Variants in ZNF407 observed in about 807,000 individuals in gnomAD.
ZNF407 encodes the protein zinc finger protein 407.
In ZNF407, 17 loss-of-function variants were observed where a neutral mutation model predicts 131.2. The observed-to-expected ratio is 0.13, with a 90% confidence interval of 0.09 to 0.19. The LOEUF is 0.19. Ranked by LOEUF, ZNF407 falls within the 10% of genes least tolerant of loss-of-function variation. The probability of loss-of-function intolerance (pLI) is 1.00; values close to 1 mark genes in which losing one functional copy is unlikely to be tolerated. For missense variants in ZNF407, 2,681 were observed against 2,830.6 expected (o/e 0.95, Z 1.20); for synonymous variants, 1,156 against 1,062.0 (o/e 1.09, Z -1.72).
chr18:74,759,812 T>G (rs1270889454), intron 3 of ZNF407, among the ~76,000 whole-genome samples: 1 of 151,684 alleles, frequency 6.6e-6, no homozygotes, highest in Non-Finnish European at 1.5e-5. Flanking sequence ...TTCCTTTTTT[T>G]TTTTTGAACA....
intron 8 of ZNF407, among the ~76,000 whole-genome samples, chr18:74,992,162 A>G (rs1972726314): frequency 6.6e-6 from 1 of 152,234 alleles, no homozygotes; most frequent in Non-Finnish European, 1.5e-5. Flanking sequence ...TTCATGAGCA[A>G]AACGAGGAGT....
intron 3 of ZNF407, among the ~76,000 whole-genome samples, chr18:74,672,502 C>T (rs958822562): frequency 1.9e-5 from 2 of 107,466 alleles, no homozygotes; most frequent in Non-Finnish European, 4.2e-5. Context: ...CGTTGGAGCA[C>T]TGTGTCTCTG....
At chr18:74,935,325 G>A (rs1972027676) in intron 8 of ZNF407, among the ~76,000 whole-genome samples, 2 of 152,014 alleles carry the variant, frequency 1.3e-5, no homozygotes, top group Non-Finnish European at 2.9e-5. Flanking sequence ...CTTTATGTTG[G>A]TAACTAAGTA....
intron 7 of ZNF407, chr18:74,897,890 A>G (rs9967391): frequency 6.6e-6 from 1 of 152,166 alleles, no homozygotes; most frequent in East Asian, 1.9e-4. Context: ...TGCAAGTACT[A>G]TTGGTGGAAA....
rs965104906 is a variant in ZNF407, at chr18:75,061,101, C to T, written c.5429-2049C>T. ...GCTTTCTTGCAGAACACCACCAACA[C>T]GATAAGCAAAATGGTTGACTCTGTT... On this transcript the variant is annotated intron_variant, in intron 8 of 8. Coordinates refer to ENST00000299687, the MANE Select transcript of ZNF407 (RefSeq NM_017757.3). Among the ~76,000 whole-genome samples, 4 of 152,300 alleles carry T rather than the reference C, an allele frequency of 2.6e-5. No individual in the cohort carries two copies. The South Asian group carries it at 8.3e-4, about 32-fold the overall frequency.
chr18:74,757,747 C>G (rs969764181), intron 3 of ZNF407, among the ~76,000 whole-genome samples: 11 of 152,008 alleles, frequency 7.2e-5, no homozygotes, highest in African/African-American at 2.4e-4. Flanking sequence ...TTTCAAGTCT[C>G]CAAATCTTAT....
intron 3 of ZNF407, among the ~76,000 whole-genome samples, chr18:74,715,249 A>G (rs1464531503): frequency 2.0e-5 from 3 of 152,234 alleles, no homozygotes; most frequent in African/African-American, 7.2e-5. Context: ...TCAGCAGTCC[A>G]CGGTAACTTG....
chr18:74,803,910 A>G (rs2145075541), intron 4 of ZNF407: 1 of 1,536,528 alleles, frequency 6.5e-7, no homozygotes, highest in East Asian at 2.5e-5. Flanking sequence ...ATGCTTTACA[A>G]CGTGCCTTGA....
chr18:74,808,559 G>C (rs770877935), intron 4 of ZNF407, among the ~76,000 whole-genome samples: 1 of 152,180 alleles, frequency 6.6e-6, no homozygotes, highest in Non-Finnish European at 1.5e-5. Context: ...ATAAGGGAAA[G>C]TCTAATGGAA....
chr18:74,844,765 G>T (rs1394144453), intron 4 of ZNF407, among the ~76,000 whole-genome samples: 1 of 152,088 alleles, frequency 6.6e-6, no homozygotes, highest in African/African-American at 2.4e-5. Flanking sequence ...TGCTTTTTAA[G>T]GTCCTGTCCT....
chr18:74,779,600 A>G (rs1255491203), intron 3 of ZNF407, among the ~76,000 whole-genome samples: 1 of 152,204 alleles, frequency 6.6e-6, no homozygotes, highest in Non-Finnish European at 1.5e-5. Context: ...GATAATAAAA[A>G]TTATTATTTC....
rs1382891826 is a variant in ZNF407 at position 74,718,047 on chromosome 18, GT to G, written c.4803-63380del. ...CATTCATTCAATTTTTTTTAACTCGGTGAATTTATTGCAGAACAATTTATAT... is the reference window on the plus strand; with the variant it reads ...CATTCATTCAATTTTTTTTAACTCGGGAATTTATTGCAGAACAATTTATAT... On this transcript the variant is annotated intron_variant, in intron 3 of 8. Transcript: ENST00000299687. 4.6e-5 allele frequency among the ~76,000 whole-genome samples: 7 copies of G among 151,946 alleles called. No homozygotes were observed. In the East Asian group the frequency reaches 1.2e-3, roughly 25 times the overall value.
intron 1 of ZNF407, among the ~76,000 whole-genome samples, chr18:74,624,094 T>C (rs1190376284): frequency 6.6e-6 from 1 of 151,908 alleles, no homozygotes; most frequent in Non-Finnish European, 1.5e-5. Flanking sequence ...CAAGCACTGG[T>C]ACTTTGAGAG....
intron 3 of ZNF407, among the ~76,000 whole-genome samples, chr18:74,748,505 T>TA (rs1443695600): frequency 1.3e-5 from 2 of 152,142 alleles, no homozygotes; most frequent in Admixed American, 1.3e-4. Flanking sequence ...AAAGACAACT[T>TA]ACAAAGTTTT....
At chr18:75,021,795 A>C (rs1341731333) in intron 8 of ZNF407, among the ~76,000 whole-genome samples, 3 of 152,022 alleles carry the variant, frequency 2.0e-5, no homozygotes, top group Non-Finnish European at 4.4e-5. Flanking sequence ...TGATGAGAGA[A>C]CTTTCTCATA....
At chr18:74,804,884 G>A (rs1970085321) in intron 4 of ZNF407, among the ~76,000 whole-genome samples, 1 of 152,122 alleles carries the variant, frequency 6.6e-6, no homozygotes, top group East Asian at 1.9e-4. Flanking sequence ...CCGAGGATCT[G>A]GCTGTGACAG....
chr18:75,001,651 A>G (rs1420076323), intron 8 of ZNF407, among the ~76,000 whole-genome samples: 2 of 152,244 alleles, frequency 1.3e-5, no homozygotes, highest in Non-Finnish European at 2.9e-5. Context: ...GAAATGCCAA[A>G]TATCTCCAAC....
intron 3 of ZNF407, among the ~76,000 whole-genome samples, chr18:74,762,537 C>A (rs564122951): frequency 1.3e-5 from 2 of 151,890 alleles, no homozygotes; most frequent in Non-Finnish European, 2.9e-5. Context: ...TATGATTATA[C>A]CCATTACTGC....
intron 3 of ZNF407, among the ~76,000 whole-genome samples, chr18:74,770,835 A>T (rs1441951054): frequency 6.6e-6 from 1 of 152,162 alleles, no homozygotes; most frequent in Non-Finnish European, 1.5e-5. Flanking sequence ...CTAAAAGGTT[A>T]CTGCAGTTTT....
Sources: allele counts gnomAD v4.1 joint callset (sites outside exome capture counted in the v4.1 genomes callset), GRCh38; gene constraint gnomAD v4.1.1; transcripts MANE v1.5; gene names NCBI Gene and HGNC (gene_info 2026-07-23, HGNC 2026-07-21).